CEP85L: variants seen among roughly 807,000 people sequenced by gnomAD.
CEP85L encodes centrosomal protein 85L.
Under a neutral mutation model 100.3 loss-of-function variants are expected in CEP85L, and 60 were observed. That is an observed-to-expected ratio of 0.60 (90% confidence interval 0.49 to 0.74). CEP85L has a LOEUF of 0.74. Ranked by LOEUF, CEP85L falls within the 30% of genes least tolerant of loss-of-function variation. CEP85L has a pLI of 0.00. For synonymous variants in CEP85L, 319 were observed against 322.7 expected, an observed-to-expected ratio of 0.99 and a Z score of 0.12; for missense variants, 973 against 936.2, an observed-to-expected ratio of 1.04 and a Z score of -0.51.
intron 1 of CEP85L, among the ~76,000 whole-genome samples, chr6:118,672,281 G>C (rs532433341): frequency 4.6e-5 from 7 of 152,194 alleles, no homozygotes; most frequent in African/African-American, 1.7e-4. Flanking sequence ...CAAGTGATCT[G>C]CCCACCTTGG....
At position 118,464,859 on chromosome 6, in the gene CEP85L, T is replaced by C. The variant is rs1239962845; in HGVS notation, c.*546A>G. 2 of 152,326 alleles carry C rather than the reference T, an allele frequency of 1.3e-5. No individual in the cohort carries two copies. Among genetic ancestry groups the C allele is most frequent in the African/African-American group, 4.8e-5 (2 of 41,434 alleles). The allele number at this position is 152,326 out of a possible 1,614,324, so 9.4% of individuals were successfully genotyped here. ...ATATAAATGGTTTTGCCTCCTGTAC[T>C]ACCATGACAACACTTGCCTGCTGTT... is the stretch of plus-strand genomic sequence containing the variant. On this transcript the variant is annotated 3_prime_UTR_variant, in exon 13 of 13. Transcript: ENST00000368491.
chr6:118,604,245 C>G (rs898696815), intron 2 of CEP85L, among the ~76,000 whole-genome samples: 2 of 152,050 alleles, frequency 1.3e-5, no homozygotes, highest in Admixed American at 6.6e-5. Flanking sequence ...TTCTTATAAC[C>G]CTTTACATTT....
intron 6 of CEP85L, among the ~76,000 whole-genome samples, chr6:118,488,484 CAG>C (rs761734111): frequency 2.6e-5 from 4 of 151,494 alleles, no homozygotes; most frequent in Non-Finnish European, 4.4e-5. Context: ...ATTATCAAGT[CAG>C]AGTAACAAAA....
chr6:118,652,693 C>CA (rs543292241), upstream of CEP85L: 197 of 1,535,418 alleles, frequency 1.3e-4, no homozygotes, highest in African/African-American at 2.6e-3. Context: ...TGTGTTCTAT[C>CA]ACTTACCACA....
intron 2 of CEP85L, among the ~76,000 whole-genome samples, chr6:118,576,230 T>C (rs1780225695): frequency 1.3e-5 from 2 of 152,202 alleles, no homozygotes; most frequent in Admixed American, 6.5e-5. Flanking sequence ...CCTTAGCCTG[T>C]CTGTCTCTTT....
chr6:118,571,222 T>C (rs1393734487), intron 2 of CEP85L, among the ~76,000 whole-genome samples: 1 of 152,216 alleles, frequency 6.6e-6, no homozygotes, highest in Non-Finnish European at 1.5e-5. Context: ...CCTAATGTGC[T>C]TGATTAGGCT....
At chr6:118,501,403 C>T (rs933257) in intron 5 of CEP85L, 87,413 of 367,774 alleles carry the variant, frequency 0.24, 12,809 homozygotes, top group East Asian at 0.61. Context: ...AGAAGACAGC[C>T]CATGAGACCT....
intron 5 of CEP85L, among the ~76,000 whole-genome samples, chr6:118,506,906 A>G (rs942580012): frequency 4.6e-5 from 7 of 152,112 alleles, no homozygotes; most frequent in African/African-American, 1.4e-4. Flanking sequence ...CAACTCCCTC[A>G]GGCTCCTTCA....
intron 2 of CEP85L, among the ~76,000 whole-genome samples, chr6:118,595,282 C>CATT (rs57121633): frequency 2.0e-5 from 3 of 151,902 alleles, no homozygotes; most frequent in Admixed American, 2.0e-4. Flanking sequence ...TCCTCATTGT[C>CATT]GTAGATCTAT....
At chr6:118,532,365 C>T (rs1002025392) in intron 3 of CEP85L, among the ~76,000 whole-genome samples, 6 of 151,526 alleles carry the variant, frequency 4.0e-5, no homozygotes, top group African/African-American at 9.7e-5. Context: ...ATGAGGGGGG[C>T]GGGTGGAAGG....
intron 4 of CEP85L, among the ~76,000 whole-genome samples, chr6:118,512,620 C>G (rs1776034576): frequency 6.6e-6 from 1 of 151,986 alleles, no homozygotes; most frequent in Non-Finnish European, 1.5e-5. Flanking sequence ...GGATAGCCAC[C>G]CTCAATAGTG....
At chr6:118,617,376 A>G (rs1773132215) in intron 2 of CEP85L, among the ~76,000 whole-genome samples, 1 of 152,206 alleles carries the variant, frequency 6.6e-6, no homozygotes, top group South Asian at 2.1e-4. Context: ...TTCTGTGATC[A>G]GTGGGCCTTA....
rs550647465 is a variant in CEP85L at position 118,586,232 on chromosome 6, C to G, written c.233-19916G>C. Reference sequence around the variant, plus strand: ...GGTCACTCTTCCTCCCACGGCCTTACTACGAATAAGAGATACCCCTTGAAA... The same window carrying G: ...GGTCACTCTTCCTCCCACGGCCTTAGTACGAATAAGAGATACCCCTTGAAA... On this transcript the variant is annotated intron_variant, in intron 2 of 12. Coordinates refer to ENST00000368491, the MANE Select transcript of CEP85L (RefSeq NM_001042475.3). Among the ~76,000 whole-genome samples, 5 of 152,306 alleles carry G rather than the reference C, an allele frequency of 3.3e-5. No homozygotes were observed. The East Asian group carries it at 9.6e-4, about 29-fold the overall frequency.
intron 2 of CEP85L, among the ~76,000 whole-genome samples, chr6:118,579,408 T>A (rs1023884552): frequency 6.6e-6 from 1 of 151,230 alleles, no homozygotes; most frequent in Admixed American, 6.6e-5. Context: ...CCAAAAAAAA[T>A]TAGAATTTTT....
intron 1 of CEP85L, among the ~76,000 whole-genome samples, chr6:118,633,145 C>G (rs1166674475): frequency 6.6e-6 from 1 of 151,496 alleles, no homozygotes; most frequent in Non-Finnish European, 1.5e-5. Flanking sequence ...TGAATTATTT[C>G]CTTAATTATT....
chr6:118,652,267 T>C (rs1185002022), upstream of CEP85L: 3 of 389,020 alleles, frequency 7.7e-6, no homozygotes, highest in Non-Finnish European at 1.1e-5. Context: ...AGGGAGCCCT[T>C]TCCTCCTTGC....
At chr6:118,606,013 CAAAAAAAA>C (rs61023993) in intron 2 of CEP85L, among the ~76,000 whole-genome samples, 10 of 102,008 alleles carry the variant, frequency 9.8e-5, no homozygotes, top group African/African-American at 3.4e-4. Context: ...GACTCTGTCT[CAAAAAAAA>C]AAAAAAAAAA....
Position 118,707,023 on chromosome 6 carries a change from A to G in CEP85L, c.-28+3013T>C, listed in dbSNP as rs538787351. 1.2e-4 allele frequency among the ~76,000 whole-genome samples: 19 copies of G among 152,120 alleles called. No homozygotes were observed. The South Asian group carries it at 3.7e-3, about 30-fold the overall frequency. On this transcript the variant is annotated intron_variant, in intron 1 of 13. Transcript: ENST00000368488. ...TGGCCTGGCAAATCCCCAAACTTCA[A>G]TGAGTTCATCTTCATATCTCCCTGT...
At position 118,529,608 on chromosome 6, in the gene CEP85L, CAAAAAAAAAA is replaced by C. The variant is rs55732442; in HGVS notation, c.1021-5698_1021-5689del. 4.2e-3 allele frequency among the ~76,000 whole-genome samples: 385 copies of C among 92,532 alleles called. 1 individual carries two copies. The highest frequency in any genetic ancestry group is 5.1e-3 in the Non-Finnish European group (245 of 48,062). 60.7% of individuals were successfully genotyped at this position (92,532 alleles called of 152,430 possible). A position where few individuals can be genotyped will look rare whatever the true frequency, so the allele number is the denominator to read the frequency against. ...GGGCGACAGAGCGAGACTCTGTCTC[CAAAAAAAAAA>C]AAAAAAAAAAAAAAAAAATTCTTAC... On this transcript the variant is annotated intron_variant, in intron 3 of 12. Transcript: ENST00000368491.
Sources: allele counts gnomAD v4.1 joint callset (sites outside exome capture counted in the v4.1 genomes callset), GRCh38; gene constraint gnomAD v4.1.1; transcripts MANE v1.5; gene names NCBI Gene and HGNC (gene_info 2026-07-23, HGNC 2026-07-21).